Variants in PLXNC1 observed in about 807,000 individuals in gnomAD.
The protein encoded by PLXNC1 is plexin-C1.
In PLXNC1, 75 loss-of-function variants were observed where a neutral mutation model predicts 178.2. That is an observed-to-expected ratio of 0.42 (90% CI 0.35 to 0.51). PLXNC1 has a LOEUF of 0.51. PLXNC1 is among the 20% of genes least tolerant of loss of function. The pLI is 0.02. For synonymous variants in PLXNC1, 790 were observed against 779.9 expected (o/e 1.01, Z -0.22); for missense variants, 1,503 against 1,984.4 (o/e 0.76, Z 4.61).
At position 94,260,412 on chromosome 12, in the gene PLXNC1, C is replaced by G. The variant is rs1964962184; in HGVS notation, c.3252-230C>G. 6.6e-6 allele frequency among the ~76,000 whole-genome samples: 1 copy of G among 151,554 alleles called. No individual in the cohort carries two copies. Among genetic ancestry groups the G allele is most frequent in the African/African-American group, 2.4e-5 (1 of 41,198 alleles). ...GTTAATTTTTATTTTTAAAACATCC[C>G]GAAACTTTGGAAGACTCACATCTTG... On this transcript the variant is annotated intron_variant, in intron 19 of 30. Coordinates refer to ENST00000258526, the MANE Select transcript of PLXNC1 (RefSeq NM_005761.3). This position sits in a 1 kb window ranked among gnomAD's most constrained non-coding sequence, Gnocchi z 4.4.
rs1448755227 is a variant in PLXNC1, at chr12:94,260,088, T to C, written c.3251+354T>C. On this transcript the variant is annotated intron_variant, in intron 19 of 30. Transcript: ENST00000258526. The surrounding 1 kb of genome is among the most constrained non-coding windows in gnomAD (Gnocchi z 4.4). ...TTTTTTTGTTGTTGTTGTTGGAGTCTCACTCTGTGGCCCAGGCTGAAGTGT... is the reference window on the plus strand; with the variant it reads ...TTTTTTTGTTGTTGTTGTTGGAGTCCCACTCTGTGGCCCAGGCTGAAGTGT... 6.6e-6 allele frequency among the ~76,000 whole-genome samples: 1 copy of C among 152,154 alleles called. No homozygotes were observed. Among genetic ancestry groups the C allele is most frequent in the Non-Finnish European group, 1.5e-5 (1 of 68,000 alleles).
At chr12:94,208,240 G>A (rs532283529) in intron 4 of PLXNC1, among the ~76,000 whole-genome samples, 1 of 152,302 alleles carries the variant, frequency 6.6e-6, no homozygotes, top group South Asian at 2.1e-4. Context: ...CAGATGTAGT[G>A]GGAGGTGGAA....
At chr12:94,169,688 T>A (rs1170967756) in intron 2 of PLXNC1, among the ~76,000 whole-genome samples, 1 of 152,134 alleles carries the variant, frequency 6.6e-6, no homozygotes, top group African/African-American at 2.4e-5. Flanking sequence ...TTGAAAGAGA[T>A]GAGAGATTAT....
At chr12:94,220,636 A>T (rs1248150502) in intron 6 of PLXNC1, among the ~76,000 whole-genome samples, 1 of 151,486 alleles carries the variant, frequency 6.6e-6, no homozygotes, top group Non-Finnish European at 1.5e-5. Flanking sequence ...CCTTGCCCCT[A>T]AAAAAAAGAC....
chr12:94,256,577 A>G (rs1440076444), intron 17 of PLXNC1, among the ~76,000 whole-genome samples: 12 of 152,016 alleles, frequency 7.9e-5, no homozygotes, highest in Non-Finnish European at 1.5e-4. Context: ...AATCAGGATG[A>G]CTGTGTGGGG....
Position 94,149,619 on chromosome 12 carries a change from C to T in PLXNC1, c.648C>T (p.Ala216=). 4 of 1,588,108 alleles carry T rather than the reference C, an allele frequency of 2.5e-6. No homozygotes were observed. Among genetic ancestry groups the T allele is most frequent in the Non-Finnish European group, 2.6e-6 (3 of 1,168,060 alleles). Residue 216 remains alanine (A), a synonymous_variant, in exon 1 of 31, where the codon GCC becomes GCT. Transcript: ENST00000258526. ...AGGACACGGAGGGGCGCAGCCTGGC[C>T]ACGCAGGAGCTGGGGCGCCTCAAGC... is the stretch of plus-strand genomic sequence containing the variant. ...ALKDTEGRSL[A]TQELGRLKLC...
chr12:94,185,269 C>T (rs1169418899), intron 3 of PLXNC1, among the ~76,000 whole-genome samples: 1 of 152,222 alleles, frequency 6.6e-6, no homozygotes, highest in Non-Finnish European at 1.5e-5. Context: ...CAACTTGGAA[C>T]TGAAGGATCC....
At chr12:94,251,673 T>C in intron 15 of PLXNC1, 145 bp downstream of exon 15, 1 of 661,904 alleles carries the variant, frequency 1.5e-6, no homozygotes, top group Non-Finnish European at 2.7e-6. Context: ...AAACGAATAA[T>C]AGGTACACGC....
At chr12:94,247,448 A>G (rs1403435440) in intron 12 of PLXNC1, among the ~76,000 whole-genome samples, 4 of 152,122 alleles carry the variant, frequency 2.6e-5, no homozygotes, top group Non-Finnish European at 5.9e-5. Flanking sequence ...GCGCTTCAGG[A>G]GCTGGCCCTT....
chr12:94,304,765 G>A (rs928753336), intron 30 of PLXNC1, among the ~76,000 whole-genome samples: 3 of 152,154 alleles, frequency 2.0e-5, no homozygotes, highest in Non-Finnish European at 2.9e-5. Flanking sequence ...AGGGAAGCAC[G>A]AGGAGGGACT....
chr12:94,279,902 G>A, intron 22 of PLXNC1: 1 of 627,140 alleles, frequency 1.6e-6, no homozygotes, highest in Non-Finnish European at 2.9e-6. Context: ...TATTACGTCT[G>A]TAAATCAGAT....
rs774861154 is a variant in PLXNC1 at position 94,251,450 on chromosome 12, T to C, written c.2803T>C (p.Tyr935His). The C allele has an allele frequency of 6.2e-7, 1 of 1,611,866 alleles. No homozygotes were observed. The highest frequency in any genetic ancestry group is 1.7e-5 in the Admixed American group (1 of 60,028). Residue 935 changes from tyrosine (Y) to histidine (H), a missense_variant, in exon 15 of 31, where the codon TAC becomes CAC. Coordinates refer to ENST00000258526, the MANE Select transcript of PLXNC1 (RefSeq NM_005761.3). ...GGTCAAGCTGGGAAACCTGGAGCTC[T>C]ACGTCGAGCAGGAGTCAGTTCCTTC... ...VRVKLGNLELYVEQESVPSTW... is the reference protein window; with the variant it reads ...VRVKLGNLELHVEQESVPSTW...
chr12:94,279,656 C>T lies in PLXNC1; in HGVS notation c.3775+7C>T, dbSNP rs181516813. The T allele has an allele frequency of 3.3e-5, 53 of 1,613,428 alleles. No individual in the cohort carries two copies. The highest frequency in any genetic ancestry group is 2.9e-4 in the East Asian group (13 of 44,878). On this transcript the variant is annotated splice_region_variant and intron_variant, in intron 22 of 30. Coordinates refer to ENST00000258526, the MANE Select transcript of PLXNC1 (RefSeq NM_005761.3). ...CTTAATGAAATTGGTCTTGGTAAGG[C>T]GGTGCGGGAGCTATGTGGTCCCAGG...
At chr12:94,238,807 G>T (rs78445161) in intron 10 of PLXNC1, among the ~76,000 whole-genome samples, 4,398 of 152,182 alleles carry the variant, frequency 0.029, 85 homozygotes, top group South Asian at 0.064. Context: ...AGTAAATTTG[G>T]AATATCTGTG....
At chr12:94,251,016 G>A (rs1220379168) in intron 14 of PLXNC1, among the ~76,000 whole-genome samples, 2 of 152,090 alleles carry the variant, frequency 1.3e-5, no homozygotes, top group Non-Finnish European at 2.9e-5. Flanking sequence ...GCAAGACTTT[G>A]TCTCTAAAAC....
At chr12:94,259,054 ACTT>A (rs552710113) in intron 17 of PLXNC1, among the ~76,000 whole-genome samples, 15 of 152,164 alleles carry the variant, frequency 9.9e-5, no homozygotes, top group Admixed American at 4.6e-4. Flanking sequence ...CTCTTAAATC[ACTT>A]CTTCTAAAAC....
At chr12:94,271,980 G>A (rs551086527) in intron 21 of PLXNC1, among the ~76,000 whole-genome samples, 1 of 152,254 alleles carries the variant, frequency 6.6e-6, no homozygotes, top group Non-Finnish European at 1.5e-5. Flanking sequence ...TACAACCTGT[G>A]GCAGACAGTA....
chr12:94,253,347 A>C (rs1431669820), intron 15 of PLXNC1, among the ~76,000 whole-genome samples: 1 of 151,262 alleles, frequency 6.6e-6, no homozygotes, highest in Non-Finnish European at 1.5e-5. Flanking sequence ...TCACTCATTC[A>C]TCCCTGCATC....
At chr12:94,224,083 A>G in intron 6 of PLXNC1, 145 bp from the exon 7 acceptor site, 2 of 652,084 alleles carry the variant, frequency 3.1e-6, no homozygotes, top group Non-Finnish European at 5.6e-6. Flanking sequence ...GGAACCACAT[A>G]CTGATTGAAA....
Sources: allele counts gnomAD v4.1 joint callset (sites outside exome capture counted in the v4.1 genomes callset), GRCh38; gene constraint gnomAD v4.1.1; non-coding constraint Gnocchi (gnomAD v3.1); transcripts MANE v1.5; gene names NCBI Gene and HGNC (gene_info 2026-07-23, HGNC 2026-07-21).